The following ANKRD62 variants were observed in gnomAD, a reference collection of about 807,000 sequenced individuals.
The protein encoded by ANKRD62 is ankyrin repeat domain 62, also known as ankyrin repeat domain-containing protein 62.
In ANKRD62, 61 loss-of-function variants were observed where a neutral mutation model predicts 98.8. The ratio of observed to expected loss-of-function variants is 0.62; its 90% CI spans 0.50 to 0.76. The LOEUF (loss-of-function observed/expected upper bound fraction) is 0.76. Ranked by LOEUF, ANKRD62 falls within the 30% of genes least tolerant of loss-of-function variation. The pLI, the probability that ANKRD62 is intolerant of heterozygous loss-of-function variation, is 0.00. For missense variants in ANKRD62, 933 were observed against 1,082.9 expected (o/e 0.86, Z 1.94); for synonymous variants, 341 against 367.9 (o/e 0.93, Z 0.84).
At chr18:12,131,185 A>G (rs1186217294), downstream of ANKRD62, among the ~76,000 whole-genome samples, 1 of 152,232 alleles carries the variant, frequency 6.6e-6, no homozygotes, top group East Asian at 1.9e-4. Flanking sequence ...GACATATAAT[A>G]GGGCTACATG....
chr18:12,177,502 A>G, the ANKRD62 span, among the ~76,000 whole-genome samples: 2 of 152,184 alleles, frequency 1.3e-5, no homozygotes, highest in Admixed American at 6.5e-5. Context: ...TTACCTGCAC[A>G]TGGGGAGAAA....
chr18:12,131,067 C>G (rs1909996220), downstream of ANKRD62, among the ~76,000 whole-genome samples: 1 of 151,998 alleles, frequency 6.6e-6, no homozygotes, highest in African/African-American at 2.4e-5. Flanking sequence ...CACATGAGGT[C>G]AGGTGTGGAC....
the ANKRD62 span, among the ~76,000 whole-genome samples, chr18:12,173,513 G>A: frequency 1.3e-5 from 2 of 152,214 alleles, no homozygotes; most frequent in East Asian, 3.9e-4. Context: ...GTATTAATAT[G>A]TGTGAATTTA....
intron 5 of ANKRD62, 74 bp from the exon 6 acceptor site, chr18:12,099,541 A>G (rs911332119): frequency 1.1e-6 from 1 of 913,108 alleles, no homozygotes; most frequent in Non-Finnish European, 1.6e-6. Flanking sequence ...ACTCTTAAGA[A>G]TTTAATGTAT....
Position 12,121,660 on chromosome 18 carries a change from G to A in ANKRD62, c.1241-643G>A, listed in dbSNP as rs147879860. ...CAGGGAATCTATGTCAGATTTTCTCGCTTTGTCATGGCCTGGAAGCTCTGT... is the reference window on the plus strand; with the variant it reads ...CAGGGAATCTATGTCAGATTTTCTCACTTTGTCATGGCCTGGAAGCTCTGT... On this transcript the variant is annotated intron_variant, in intron 10 of 13. Transcript: ENST00000587848. 4.6e-5 allele frequency among the ~76,000 whole-genome samples: 7 copies of A among 152,236 alleles called. No individual in the cohort carries two copies. The South Asian group carries it at 1.2e-3, about 27-fold the overall frequency.
chr18:12,166,037 T>G, the ANKRD62 span, among the ~76,000 whole-genome samples: 6 of 152,146 alleles, frequency 3.9e-5, no homozygotes, highest in African/African-American at 1.4e-4. Flanking sequence ...GTTATTTGCT[T>G]CTTTTCTCGT....
At chr18:12,154,820 A>G in the ANKRD62 span, among the ~76,000 whole-genome samples, 2 of 152,234 alleles carry the variant, frequency 1.3e-5, no homozygotes, top group African/African-American at 4.8e-5. Flanking sequence ...CTTTTGTGGG[A>G]ACATGGATGA....
At chr18:12,132,223 G>T, downstream of ANKRD62, among the ~76,000 whole-genome samples, 1 of 151,968 alleles carries the variant, frequency 6.6e-6, no homozygotes, top group Non-Finnish European at 1.5e-5. Flanking sequence ...ATTCCTAGCA[G>T]TTTATTTCTA....
chr18:12,149,994 T>C, the ANKRD62 span, among the ~76,000 whole-genome samples: 2 of 152,016 alleles, frequency 1.3e-5, no homozygotes, highest in Admixed American at 6.6e-5. Context: ...ATGAGGACCG[T>C]TGAGATTCAG....
chr18:12,102,044 T>A (rs1909310504), intron 6 of ANKRD62: 10 of 1,408,062 alleles, frequency 7.1e-6, no homozygotes, highest in Non-Finnish European at 9.1e-6. Flanking sequence ...TCATGGTAGT[T>A]GAAATAGCAA....
intron 12 of ANKRD62, among the ~76,000 whole-genome samples, chr18:12,125,097 G>C (rs1909859349): frequency 6.6e-6 from 1 of 152,164 alleles, no homozygotes; most frequent in African/African-American, 2.4e-5. Flanking sequence ...GTAAAGGTTA[G>C]ATGTTAGTGT....
At chr18:12,167,335 T>C in the ANKRD62 span, among the ~76,000 whole-genome samples, 8 of 151,996 alleles carry the variant, frequency 5.3e-5, no homozygotes, top group South Asian at 1.7e-3. Flanking sequence ...CTGCCCTGTG[T>C]CCAAGCGTTC....
chr18:12,128,132 T>A lies in ANKRD62; in HGVS notation c.*193T>A, dbSNP rs1909931339. ...CCTTATGAAAGTTGAGAATTACACA[T>A]CATTTCTCACAGAAGATTAGAGAAT... On this transcript the variant is annotated 3_prime_UTR_variant, in exon 14 of 14. Transcript: ENST00000587848. 3.1e-6 allele frequency: 1 copy of A among 318,214 alleles called. No homozygotes were observed. The highest frequency in any genetic ancestry group is 2.1e-5 in the African/African-American group (1 of 46,740). 19.7% of individuals were successfully genotyped at this position (318,214 alleles called of 1,614,324 possible).
the ANKRD62 span, among the ~76,000 whole-genome samples, chr18:12,140,139 C>T: frequency 3.9e-5 from 6 of 152,304 alleles, no homozygotes; most frequent in Admixed American, 6.5e-5. Context: ...TTGATTGCAT[C>T]GGTTACTGAG....
chr18:12,100,311 AAG>A (rs1909272982), intron 6 of ANKRD62, among the ~76,000 whole-genome samples: 2 of 152,230 alleles, frequency 1.3e-5, no homozygotes, highest in African/African-American at 4.8e-5. Flanking sequence ...ATAATGAAGA[AAG>A]AATATATTTT....
At chr18:12,102,856 T>G in intron 6 of ANKRD62, 1 of 822,504 alleles carries the variant, frequency 1.2e-6, no homozygotes, top group Non-Finnish European at 1.5e-6. Context: ...TTTCAAATTT[T>G]GTTTTTCTGA....
chr18:12,125,714 G>C lies in ANKRD62; in HGVS notation c.1893G>C (p.Glu631Asp), dbSNP rs1444598120. 8.4e-6 allele frequency: 13 copies of C among 1,541,622 alleles called. No individual in the cohort carries two copies. Among genetic ancestry groups the C allele is most frequent in the Non-Finnish European group, 1.1e-5 (13 of 1,146,900 alleles). ...AAGAGCTTAATGTTCTGATGGATGA[G>C]AATACAATGCTCAATTCTGAGCTAC... ...YSKELNVLMDENTMLNSELQK... is the reference protein window; with the variant it reads ...YSKELNVLMDDNTMLNSELQK... The change falls in exon 13 of 14, where the codon GAG (glutamate) becomes GAC (aspartate). Residue 631 changes from glutamate to aspartate, a missense_variant. Transcript: ENST00000587848.
At chr18:12,166,417 A>G in the ANKRD62 span, among the ~76,000 whole-genome samples, 1 of 152,026 alleles carries the variant, frequency 6.6e-6, no homozygotes, top group South Asian at 2.1e-4. Flanking sequence ...TGCTATTAAG[A>G]GACTCTTATA....
chr18:12,166,422 CTT>C, the ANKRD62 span, among the ~76,000 whole-genome samples: 3 of 152,068 alleles, frequency 2.0e-5, no homozygotes, highest in Admixed American at 1.3e-4. Context: ...TTAAGAGACT[CTT>C]ATACATTCTT....
Sources: allele counts gnomAD v4.1 joint callset (sites outside exome capture counted in the v4.1 genomes callset), GRCh38; gene constraint gnomAD v4.1.1; transcripts MANE v1.5; gene names NCBI Gene and HGNC (gene_info 2026-07-23, HGNC 2026-07-21).